The following ATCAY variants were observed in gnomAD, a reference collection of about 807,000 sequenced individuals.
ATCAY encodes ATCAY kinesin light chain interacting caytaxin.
ATCAY carries 22 observed loss-of-function variants against 47.7 expected under a neutral mutation model. The ratio of observed to expected loss-of-function variants is 0.46; its 90% CI spans 0.33 to 0.66. The LOEUF is 0.66. ATCAY is among the 30% of genes least tolerant of loss of function. The probability of loss-of-function intolerance (pLI) is 0.02; values close to 1 mark genes in which losing one functional copy is unlikely to be tolerated. For synonymous variants in ATCAY, 216 were observed against 207.6 expected, an observed-to-expected ratio of 1.04 and a Z score of -0.35; for missense variants, 452 against 515.0, an observed-to-expected ratio of 0.88 and a Z score of 1.18.
intron 3 of ATCAY, 103 bp from the exon 4 acceptor site, chr19:3,905,331 T>A: frequency 1.7e-6 from 2 of 1,207,660 alleles, no homozygotes; most frequent in South Asian, 3.1e-5. Context: ...CACCCTCTCT[T>A]CCCATTCCTG....
chr19:3,886,893 T>C (rs2038661480), intron 2 of ATCAY, among the ~76,000 whole-genome samples: 1 of 151,744 alleles, frequency 6.6e-6, no homozygotes, highest in Admixed American at 6.6e-5. Context: ...TTTCTATTTT[T>C]AGTAGAGACC....
chr19:3,895,937 G>C (rs1032281777), intron 2 of ATCAY, among the ~76,000 whole-genome samples: 2 of 151,614 alleles, frequency 1.3e-5, no homozygotes, highest in African/African-American at 4.8e-5. Context: ...GGCTAGTCTC[G>C]AACTCCTAGT....
intron 3 of ATCAY, among the ~76,000 whole-genome samples, chr19:3,904,712 C>T (rs186132468): frequency 3.3e-5 from 5 of 152,206 alleles, no homozygotes; most frequent in Admixed American, 3.3e-4. Context: ...GGAGACTATC[C>T]TGGATCCTGT....
chr19:3,921,380 A>G (rs917502099), intron 12 of ATCAY, among the ~76,000 whole-genome samples: 2 of 151,562 alleles, frequency 1.3e-5, no homozygotes, highest in African/African-American at 2.4e-5. Context: ...GTGAGCCAAG[A>G]TCGTACCACT....
At chr19:3,886,447 C>T (rs2038656656) in intron 2 of ATCAY, among the ~76,000 whole-genome samples, 1 of 151,812 alleles carries the variant, frequency 6.6e-6, no homozygotes, top group South Asian at 2.1e-4. Context: ...AAAAATTAGC[C>T]GGGTGTGTGG....
At chr19:3,921,903 A>AC (rs1359236829) in intron 12 of ATCAY, among the ~76,000 whole-genome samples, 1 of 151,758 alleles carries the variant, frequency 6.6e-6, no homozygotes, top group Non-Finnish European at 1.5e-5. Flanking sequence ...TTTAAAAAAA[A>AC]AAAAACAAAA....
intron 2 of ATCAY, among the ~76,000 whole-genome samples, chr19:3,887,676 CG>C (rs1340435875): frequency 6.7e-6 from 1 of 149,358 alleles, no homozygotes; most frequent in South Asian, 2.1e-4. Context: ...TTAGTAGAGA[CG>C]GGGTTTCACC....
At position 3,924,939 on chromosome 19, in the gene ATCAY, C is replaced by G; in HGVS notation, c.*347C>G. On this transcript the variant is annotated 3_prime_UTR_variant, in exon 13 of 13. Transcript: ENST00000450849. ...CGCTCCTGCTCGCAGCCTCTGTGGTCAGAGCTGGATACAAGATTCAAGACC... is the reference window on the plus strand; with the variant it reads ...CGCTCCTGCTCGCAGCCTCTGTGGTGAGAGCTGGATACAAGATTCAAGACC... The G allele has an allele frequency of 3.4e-6, 1 of 294,296 alleles. No homozygotes were observed. The allele number at this position is 294,296 out of a possible 1,614,324, so 18.2% of individuals were successfully genotyped here. A position where few individuals can be genotyped will look rare whatever the true frequency, so the allele number is the denominator to read the frequency against.
At chr19:3,922,074 A>G in intron 12 of ATCAY, 1 of 685,936 alleles carries the variant, frequency 1.5e-6, no homozygotes. Context: ...CCAACTAGAG[A>G]AGCTGACCCA....
At chr19:3,911,034 G>C in intron 8 of ATCAY, 145 bp downstream of exon 8, 2 of 872,404 alleles carry the variant, frequency 2.3e-6, no homozygotes, top group South Asian at 1.5e-5. Flanking sequence ...TGTTTGATGT[G>C]CATGTTCCAG....
intron 1 of ATCAY, 111 bp from the exon 2 acceptor site, chr19:3,885,616 G>A (rs915473307): frequency 1.0e-5 from 6 of 599,274 alleles, no homozygotes; most frequent in African/African-American, 3.8e-5. Flanking sequence ...GGGAGGGGAA[G>A]GGGGAGGGGG....
chr19:3,916,712 T>G (rs1023013780), intron 9 of ATCAY, among the ~76,000 whole-genome samples: 1 of 151,924 alleles, frequency 6.6e-6, no homozygotes, highest in Non-Finnish European at 1.5e-5. Context: ...GCCTGGCTGG[T>G]CTCAAACTCC....
chr19:3,891,959 G>A (rs559434971), intron 2 of ATCAY, among the ~76,000 whole-genome samples: 13 of 152,016 alleles, frequency 8.6e-5, no homozygotes, highest in East Asian at 5.8e-4. Flanking sequence ...ACGTGACCTC[G>A]GCTCGCTGCA....
chr19:3,881,428 C>T (rs1376075707), intron 1 of ATCAY, among the ~76,000 whole-genome samples: 1 of 150,912 alleles, frequency 6.6e-6, no homozygotes, highest in African/African-American at 2.4e-5. Flanking sequence ...AAAGGCTGTC[C>T]TGTGGGGTGG....
intron 3 of ATCAY, among the ~76,000 whole-genome samples, chr19:3,902,898 G>A (rs78811613): frequency 0.029 from 4,368 of 152,234 alleles, 201 homozygotes; most frequent in African/African-American, 0.1. Context: ...GCACAGCCAA[G>A]GGTGCACTGG....
chr19:3,901,123 C>T (rs891786502), intron 2 of ATCAY, among the ~76,000 whole-genome samples: 3 of 149,476 alleles, frequency 2.0e-5, no homozygotes, highest in African/African-American at 7.4e-5. Flanking sequence ...AGGATGGTCT[C>T]GATCTCCTGA....
intron 2 of ATCAY, among the ~76,000 whole-genome samples, chr19:3,901,663 T>C (rs931920891): frequency 6.6e-6 from 1 of 152,286 alleles, no homozygotes; most frequent in Admixed American, 6.5e-5. Flanking sequence ...AAAGAAGCCC[T>C]TCAGCCCTGA....
chr19:3,881,385 A>G (rs1028438789), intron 1 of ATCAY, among the ~76,000 whole-genome samples: 2 of 35,122 alleles, frequency 5.7e-5, no homozygotes, highest in Non-Finnish European at 1.3e-4. Flanking sequence ...CGATTTCGGG[A>G]AAAAAAAAAA....
chr19:3,921,175 C>T (rs144912171), intron 12 of ATCAY, among the ~76,000 whole-genome samples: 3 of 152,276 alleles, frequency 2.0e-5, no homozygotes, highest in Admixed American at 1.3e-4. Flanking sequence ...AGACTGTCCA[C>T]GCTCTGCCTC....
Sources: gnomAD v4.1 joint callset for allele counts (sites outside exome capture counted in the v4.1 genomes callset) on GRCh38, gnomAD v4.1.1 for gene constraint, MANE v1.5 for transcripts, NCBI Gene and HGNC (gene_info 2026-07-23, HGNC 2026-07-21) for gene names.